The following DPY30 variants were observed in gnomAD, a reference collection of about 807,000 sequenced individuals.
DPY30 encodes the protein protein dpy-30 homolog.
In DPY30, 6 loss-of-function variants were observed where a neutral mutation model predicts 16.2. The ratio of observed to expected loss-of-function variants is 0.37; its 90% CI spans 0.20 to 0.73. The LOEUF (loss-of-function observed/expected upper bound fraction) is 0.73. Ranked by LOEUF, DPY30 falls within the 30% of genes least tolerant of loss-of-function variation. The pLI is 0.51. For synonymous variants in DPY30, 39 were observed against 38.8 expected, an observed-to-expected ratio of 1.00 and a Z score of -0.02; for missense variants, 73 against 113.1, an observed-to-expected ratio of 0.65 and a Z score of 1.61.
downstream of DPY30, among the ~76,000 whole-genome samples, chr2:32,021,689 A>C (rs560409365): frequency 5.5e-4 from 84 of 151,908 alleles, no homozygotes; most frequent in African/African-American, 2.0e-3. Context: ...AAAAAAAAAA[A>C]AAGCAACAAC....
chr2:32,011,980 C>G (rs1379225026), exon 6 of DPY30: 1 of 152,256 alleles, frequency 6.6e-6, no homozygotes, highest in African/African-American at 2.4e-5. Flanking sequence ...CACTTGAGCC[C>G]AGGAGGTCGA....
intron 5 of DPY30, among the ~76,000 whole-genome samples, chr2:32,017,966 CACA>C (rs1327820271): frequency 1.3e-5 from 2 of 152,098 alleles, no homozygotes; most frequent in African/African-American, 4.8e-5. Context: ...AGTCCATGTC[CACA>C]ATGTGAAGAC....
chr2:32,033,000 AAAT>A (rs140307669), intron 3 of DPY30, among the ~76,000 whole-genome samples: 19,440 of 151,372 alleles, frequency 0.13, 1,333 homozygotes, highest in Middle Eastern at 0.25. Flanking sequence ...CATCTCAAAA[AAAT>A]AATAATAACT....
chr2:32,017,943 C>A lies in DPY30; in HGVS notation n.377+5479G>T, dbSNP rs183756044. ...GGATTAGTGGCCTTATAAGAGACCT[C>A]AGAGATCTAGCTAGTCCATGTCCAC... On this transcript the variant is annotated intron_variant and non_coding_transcript_variant, in intron 5 of 5. Transcript: ENST00000414013. 9.9e-5 allele frequency among the ~76,000 whole-genome samples: 15 copies of A among 152,220 alleles called. No homozygotes were observed. The East Asian group carries it at 2.7e-3, about 27-fold the overall frequency.
At chr2:32,027,249 T>TG (rs1310032617) in intron 4 of DPY30, among the ~76,000 whole-genome samples, 1 of 124,768 alleles carries the variant, frequency 8.0e-6, no homozygotes, top group East Asian at 2.4e-4. Context: ...CATTCGAGCC[T>TG]GGGCAACAGA....
chr2:32,030,090 T>C (rs935896679), intron 3 of DPY30, among the ~76,000 whole-genome samples: 3 of 148,674 alleles, frequency 2.0e-5, no homozygotes, highest in Non-Finnish European at 4.4e-5. Flanking sequence ...AAATAATGAA[T>C]GTAACACCAA....
In DPY30 at chr2:32,030,576, G is replaced by C. The variant is rs145288152; in HGVS notation, c.85-840C>G. On this transcript the variant is annotated intron_variant, in intron 3 of 4. Coordinates refer to ENST00000342166, the MANE Select transcript of DPY30 (RefSeq NM_001321209.2). Reference sequence around the variant, plus strand: ...ACCTGGGAGGCGGAGCTTGCAGTGAGCCGAGATCGCGCCACCACACTCCAG... The same window carrying C: ...ACCTGGGAGGCGGAGCTTGCAGTGACCCGAGATCGCGCCACCACACTCCAG... 8.9e-3 allele frequency among the ~76,000 whole-genome samples: 1,334 copies of C among 150,356 alleles called. 20 individuals are homozygous for C. The highest frequency in any genetic ancestry group is 0.031 in the African/African-American group (1,279 of 40,726).
intron 3 of DPY30, among the ~76,000 whole-genome samples, chr2:32,032,336 C>T (rs555256924): frequency 1.1e-4 from 16 of 152,300 alleles, no homozygotes; most frequent in Non-Finnish European, 1.6e-4. Context: ...GAAATGCTAA[C>T]TGAGCCTTTG....
At chr2:32,038,094 C>T (rs1675814181) in intron 3 of DPY30, among the ~76,000 whole-genome samples, 1 of 149,758 alleles carries the variant, frequency 6.7e-6, no homozygotes, top group South Asian at 2.1e-4. Flanking sequence ...GGCAGGTTGG[C>T]ATTTTTGCAG....
intron 5 of DPY30, chr2:32,013,510 TTA>T (rs1431019135): frequency 6.6e-6 from 1 of 152,204 alleles, no homozygotes; most frequent in Non-Finnish European, 1.5e-5. Flanking sequence ...CTCCCCTAAA[TTA>T]AGGAAAATTC....
At chr2:32,012,591 C>T (rs1674980042) in intron 5 of DPY30, among the ~76,000 whole-genome samples, 1 of 151,832 alleles carries the variant, frequency 6.6e-6, no homozygotes, top group Non-Finnish European at 1.5e-5. Flanking sequence ...CCACCATCCA[C>T]CATGCCCAGC....
At chr2:32,019,833 A>AT (rs757854327), downstream of DPY30, among the ~76,000 whole-genome samples, 179 of 136,662 alleles carry the variant, frequency 1.3e-3, 1 homozygote, top group African/African-American at 3.8e-3. Flanking sequence ...AAAAAAAAAA[A>AT]AAATATATAT....
chr2:32,033,760 GT>G (rs1174806006), intron 3 of DPY30, among the ~76,000 whole-genome samples: 3 of 152,240 alleles, frequency 2.0e-5, no homozygotes, highest in Non-Finnish European at 4.4e-5. Flanking sequence ...TTTATTTCAT[GT>G]GAACATTTAT....
intron 3 of DPY30, among the ~76,000 whole-genome samples, chr2:32,038,195 G>A (rs1186543712): frequency 6.7e-6 from 1 of 148,570 alleles, no homozygotes; most frequent in African/African-American, 2.5e-5. Flanking sequence ...GAGTGCAGTG[G>A]CATGATCTCG....
chr2:32,026,248 A>G (rs571931634), intron 4 of DPY30, among the ~76,000 whole-genome samples: 1 of 151,990 alleles, frequency 6.6e-6, no homozygotes. Context: ...AACTCTTCAA[A>G]AAAGTTTAAA....
At chr2:32,017,462 C>G (rs1281560971) in intron 5 of DPY30, among the ~76,000 whole-genome samples, 1 of 151,612 alleles carries the variant, frequency 6.6e-6, no homozygotes, top group Non-Finnish European at 1.5e-5. Flanking sequence ...ACTAAAAATA[C>G]AAAAATTAGC....
intron 4 of DPY30, 79 bp downstream of exon 4, chr2:32,029,515 T>C (rs1675454368): frequency 4.5e-6 from 7 of 1,542,294 alleles, no homozygotes; most frequent in South Asian, 1.2e-5. Context: ...AAAGTCGCTA[T>C]ACATAACTAT....
downstream of DPY30, among the ~76,000 whole-genome samples, chr2:32,022,693 T>C (rs965364964): frequency 3.3e-5 from 5 of 151,804 alleles, no homozygotes; most frequent in African/African-American, 4.8e-5. Context: ...GATTTTTGTA[T>C]TTTTAGTAGA....
intron 4 of DPY30, among the ~76,000 whole-genome samples, chr2:32,025,238 G>A (rs931182445): frequency 6.6e-6 from 1 of 152,180 alleles, no homozygotes; most frequent in Non-Finnish European, 1.5e-5. Context: ...GCCGAGGCGG[G>A]TGGATCATGA....
Sources: allele counts gnomAD v4.1 joint callset (sites outside exome capture counted in the v4.1 genomes callset), GRCh38; gene constraint gnomAD v4.1.1; transcripts MANE v1.5; gene names NCBI Gene and HGNC (gene_info 2026-07-23, HGNC 2026-07-21).